KIAA1328: variants seen among roughly 807,000 people sequenced by gnomAD.
KIAA1328 encodes the protein protein hinderin.
In KIAA1328, 52 loss-of-function variants were observed where a neutral mutation model predicts 68.1. The ratio of observed to expected loss-of-function variants is 0.76; its 90% CI spans 0.61 to 0.96. The LOEUF (loss-of-function observed/expected upper bound fraction) is 0.96. Ranked by LOEUF, KIAA1328 falls within the 40% of genes least tolerant of loss-of-function variation. KIAA1328 has a pLI of 0.00. For missense variants in KIAA1328, 641 were observed against 677.6 expected (o/e 0.95, Z 0.60); for synonymous variants, 232 against 239.4 (o/e 0.97, Z 0.28).
intron 7 of KIAA1328, among the ~76,000 whole-genome samples, chr18:37,130,765 A>G (rs2058503073): frequency 6.6e-6 from 1 of 152,210 alleles, no homozygotes; most frequent in East Asian, 1.9e-4. Context: ...CCCCATGGAT[A>G]AGAAAAAAAG....
chr18:36,987,605 G>C (rs2052993872), intron 6 of KIAA1328, among the ~76,000 whole-genome samples: 2 of 152,186 alleles, frequency 1.3e-5, no homozygotes, highest in East Asian at 3.9e-4. Context: ...TTCAATGATA[G>C]AAAGTAGATT....
chr18:37,145,484 ACTT>A (rs1030622362), intron 7 of KIAA1328, among the ~76,000 whole-genome samples: 1 of 152,202 alleles, frequency 6.6e-6, no homozygotes, highest in Non-Finnish European at 1.5e-5. Context: ...AGTATTGTTC[ACTT>A]CTTCTTTAGC....
At chr18:37,205,711 T>C (rs528744157) in intron 9 of KIAA1328, among the ~76,000 whole-genome samples, 31 of 152,192 alleles carry the variant, frequency 2.0e-4, no homozygotes, top group Non-Finnish European at 4.1e-4. Flanking sequence ...TGTGGTGGCC[T>C]AAATAATTTT....
chr18:37,089,362 AG>A (rs2057199461), intron 7 of KIAA1328, among the ~76,000 whole-genome samples: 1 of 144,680 alleles, frequency 6.9e-6, no homozygotes, highest in Non-Finnish European at 1.5e-5. Flanking sequence ...GGGTACTTGA[AG>A]GTAGTGGCTT....
At chr18:36,873,889 CAT>C (rs1282510795) in intron 4 of KIAA1328, among the ~76,000 whole-genome samples, 1 of 152,156 alleles carries the variant, frequency 6.6e-6, no homozygotes, top group Non-Finnish European at 1.5e-5. Context: ...TCCCTGTGCC[CAT>C]ATGTTTTCAT....
chr18:37,115,683 A>G (rs2058085820), intron 7 of KIAA1328, among the ~76,000 whole-genome samples: 1 of 152,168 alleles, frequency 6.6e-6, no homozygotes, highest in Admixed American at 6.5e-5. Flanking sequence ...GGCTGGAGAA[A>G]GAAATAAAAG....
At position 36,885,783 on chromosome 18, in the gene KIAA1328, T is replaced by G. The variant is rs1398092060; in HGVS notation, c.448+111T>G. On this transcript the variant is annotated intron_variant, in intron 5 of 9. Coordinates refer to ENST00000280020, the MANE Select transcript of KIAA1328 (RefSeq NM_020776.3). ...CCTAGGCTGCAGTGCAATGGTGCGA[T>G]TTCAGTTCACCGCAACCTCCACCTC... The G allele has an allele frequency of 1.4e-5, 9 of 642,328 alleles. No homozygotes were observed. The Admixed American group carries it at 3.0e-4, about 21-fold the overall frequency. The allele number at this position is 642,328 out of a possible 1,614,324, so 39.8% of individuals were successfully genotyped here. A position where few individuals can be genotyped will look rare whatever the true frequency, so the allele number is the denominator to read the frequency against.
At chr18:36,858,206 A>G (rs2047443390) in intron 4 of KIAA1328, among the ~76,000 whole-genome samples, 1 of 152,076 alleles carries the variant, frequency 6.6e-6, no homozygotes, top group African/African-American at 2.4e-5. Flanking sequence ...ACACTTTTAC[A>G]GTTATTATAT....
At chr18:37,096,512 A>G (rs2057412563) in intron 7 of KIAA1328, among the ~76,000 whole-genome samples, 1 of 152,150 alleles carries the variant, frequency 6.6e-6, no homozygotes. Flanking sequence ...AGTCTTTGCT[A>G]TTGTGAATAC....
intron 7 of KIAA1328, among the ~76,000 whole-genome samples, chr18:37,111,879 G>A (rs923215845): frequency 1.3e-5 from 2 of 152,180 alleles, no homozygotes; most frequent in East Asian, 1.9e-4. Context: ...ATTATATCCC[G>A]TGCCTGGCTC....
chr18:37,228,479 T>TC (rs534226059), downstream of KIAA1328, among the ~76,000 whole-genome samples: 149 of 152,198 alleles, frequency 9.8e-4, 4 homozygotes, highest in South Asian at 0.024. Flanking sequence ...CACTGATCAG[T>TC]CAGTAGCCAT....
intron 6 of KIAA1328, among the ~76,000 whole-genome samples, chr18:36,985,429 G>A (rs2052877902): frequency 1.3e-5 from 2 of 152,062 alleles, no homozygotes; most frequent in Admixed American, 6.6e-5. Flanking sequence ...TGTTGAAAAA[G>A]AACAAATTCA....
chr18:37,064,164 G>T (rs939236089), intron 6 of KIAA1328, among the ~76,000 whole-genome samples: 6 of 152,114 alleles, frequency 3.9e-5, no homozygotes, highest in African/African-American at 7.2e-5. Context: ...TCTATTGCTT[G>T]TCATCTGTTT....
intron 7 of KIAA1328, among the ~76,000 whole-genome samples, chr18:37,096,167 G>T (rs2057399864): frequency 6.6e-6 from 1 of 151,950 alleles, no homozygotes; most frequent in African/African-American, 2.4e-5. Flanking sequence ...ATGTTGGTGT[G>T]CTGCACCCAT....
chr18:37,077,444 AC>A (rs1457955216), intron 7 of KIAA1328, among the ~76,000 whole-genome samples: 1 of 149,560 alleles, frequency 6.7e-6, no homozygotes, highest in East Asian at 1.9e-4. Context: ...GCCCTCTCTC[AC>A]CACTCCTATT....
At chr18:37,081,848 AAC>A (rs1484218900) in intron 7 of KIAA1328, among the ~76,000 whole-genome samples, 1 of 152,170 alleles carries the variant, frequency 6.6e-6, no homozygotes, top group African/African-American at 2.4e-5. Context: ...TCTTCATTAT[AAC>A]ACGGTCAAAA....
At chr18:37,213,546 C>T (rs1201222280) in intron 9 of KIAA1328, among the ~76,000 whole-genome samples, 1 of 152,148 alleles carries the variant, frequency 6.6e-6, no homozygotes, top group Non-Finnish European at 1.5e-5. Context: ...TCATGTCTAT[C>T]ATTGATGGAC....
intron 6 of KIAA1328, among the ~76,000 whole-genome samples, chr18:37,014,122 G>C (rs1457949861): frequency 6.6e-6 from 1 of 152,106 alleles, no homozygotes; most frequent in Non-Finnish European, 1.5e-5. Context: ...TTTTATGTTT[G>C]TTGGCCACTT....
At chr18:36,981,199 G>A (rs2052671086) in intron 6 of KIAA1328, among the ~76,000 whole-genome samples, 2 of 152,050 alleles carry the variant, frequency 1.3e-5, no homozygotes, top group South Asian at 2.1e-4. Flanking sequence ...TTTTGTCCTA[G>A]TCATGGAAAA....
Sources: allele counts gnomAD v4.1 joint callset (sites outside exome capture counted in the v4.1 genomes callset), GRCh38; gene constraint gnomAD v4.1.1; transcripts MANE v1.5; gene names NCBI Gene and HGNC (gene_info 2026-07-23, HGNC 2026-07-21).